The following CADM1 variants were observed in gnomAD, a reference collection of about 807,000 sequenced individuals.
The protein encoded by CADM1 is TSLC-1.
CADM1 carries 15 observed loss-of-function variants against 53.1 expected under a neutral mutation model. That is an observed-to-expected ratio of 0.28 (90% CI 0.19 to 0.44). CADM1 has a LOEUF of 0.44. Among genes scored for constraint, CADM1 ranks in the 20% least tolerant of loss-of-function variants. The pLI is 1.00. For synonymous variants in CADM1, 281 were observed against 243.0 expected, an observed-to-expected ratio of 1.16 and a Z score of -1.45; for missense variants, 434 against 611.3, an observed-to-expected ratio of 0.71 and a Z score of 3.06.
chr11:115,286,149 G>T (rs1005740534), intron 1 of CADM1, among the ~76,000 whole-genome samples: 10 of 152,116 alleles, frequency 6.6e-5, no homozygotes, highest in African/African-American at 2.4e-4. Flanking sequence ...TTTTAAAAAT[G>T]TTTTTATATA....
At chr11:115,484,293 G>A (rs563768736) in intron 1 of CADM1, among the ~76,000 whole-genome samples, 1 of 152,286 alleles carries the variant, frequency 6.6e-6, no homozygotes, top group Admixed American at 6.5e-5. Flanking sequence ...TCTACCTAAA[G>A]AATAGGAGTT....
At chr11:115,325,147 A>G (rs1055908509) in intron 1 of CADM1, among the ~76,000 whole-genome samples, 15 of 152,212 alleles carry the variant, frequency 9.9e-5, no homozygotes, top group Admixed American at 5.2e-4. Flanking sequence ...ACCAACTGCT[A>G]TTTAAAACCA....
chr11:115,387,483 T>C lies in CADM1; in HGVS notation c.124+116788A>G, dbSNP rs563764599. Reference sequence around the variant, plus strand: ...AAGAGAGGTGAGAAAAAGAATAATATAAGTTACGAACTCAAAATTTTACTA... The same window carrying C: ...AAGAGAGGTGAGAAAAAGAATAATACAAGTTACGAACTCAAAATTTTACTA... On this transcript the variant is annotated intron_variant, in intron 1 of 11. Transcript: ENST00000331581. Among the ~76,000 whole-genome samples the C allele has an allele frequency of 7.9e-5, 12 of 152,180 alleles. No individual in the cohort carries two copies. The South Asian group carries it at 2.5e-3, about 32-fold the overall frequency.
intron 5 of CADM1, among the ~76,000 whole-genome samples, chr11:115,222,602 CATAGTACTGAAACTG>C (rs1378841058): frequency 3.5e-5 from 5 of 143,514 alleles, no homozygotes; most frequent in Non-Finnish European, 7.9e-5. Flanking sequence ...TGTTATGACT[CATAGTACTGAAACTG>C]GGCTTCCTGA....
chr11:115,297,388 A>G (rs1944106998), intron 1 of CADM1, among the ~76,000 whole-genome samples: 1 of 152,184 alleles, frequency 6.6e-6, no homozygotes, highest in South Asian at 2.1e-4. Context: ...GGCTTCTTTG[A>G]TCATTAGAGA....
intron 1 of CADM1, among the ~76,000 whole-genome samples, chr11:115,488,523 A>T (rs1949426316): frequency 6.6e-6 from 1 of 152,330 alleles, no homozygotes; most frequent in Non-Finnish European, 1.5e-5. Context: ...TTTAAAAAAT[A>T]TTACAGCAAT....
chr11:115,191,131 C>T (rs894888661), intron 9 of CADM1, 190 bp from the exon 10 acceptor site: 16 of 574,390 alleles, frequency 2.8e-5, no homozygotes, highest in Middle Eastern at 4.6e-4. Flanking sequence ...AATACGCAAT[C>T]GAGGCAGAAA....
rs1285078680 is a variant in CADM1, at chr11:115,386,152, A to G, written c.124+118119T>C. Among the ~76,000 whole-genome samples, 3 of 152,262 alleles carry G rather than the reference A, an allele frequency of 2.0e-5. No individual in the cohort carries two copies. In the East Asian group the frequency reaches 5.8e-4, roughly 29 times the overall value. ...GCAGTTCATTAAGTCATTCAGGATT[A>G]ACTGTTGTGAGTCCATCATTCCACA... is the stretch of plus-strand genomic sequence containing the variant. On this transcript the variant is annotated intron_variant, in intron 1 of 11. Transcript: ENST00000331581.
intron 1 of CADM1, among the ~76,000 whole-genome samples, chr11:115,264,119 T>G (rs1943058613): frequency 6.6e-6 from 1 of 152,150 alleles, no homozygotes; most frequent in Admixed American, 6.5e-5. Context: ...GGATCAACAT[T>G]CATTTTTTAT....
chr11:115,504,338 CGCCGCCGCCGCT>C lies in CADM1; in HGVS notation c.45_56del (p.Ala17_Ala20del), dbSNP rs1041873004. 5.8e-6 allele frequency: 9 copies of C among 1,549,728 alleles called. No individual in the cohort carries two copies. The East Asian group carries it at 2.2e-4, about 38-fold the overall frequency. ...GCCGGAGCCGGAGCCCGGGAGGCGC[CGCCGCCGCCGCT>C]GCCGCCGCACACTGGGATCCGCTCG... On this transcript the variant is annotated inframe_deletion, in exon 1 of 12. Coordinates refer to ENST00000331581, the MANE Select transcript of CADM1 (RefSeq NM_001301043.2).
At chr11:115,411,626 C>A (rs1187117862) in intron 1 of CADM1, among the ~76,000 whole-genome samples, 1 of 152,044 alleles carries the variant, frequency 6.6e-6, no homozygotes, top group Non-Finnish European at 1.5e-5. Flanking sequence ...AAGTACAATT[C>A]TTTGTGGCCA....
rs45455306 is a variant in CADM1, at chr11:115,423,862, T to G, written c.124+80409A>C. On this transcript the variant is annotated intron_variant, in intron 1 of 11. Coordinates refer to ENST00000331581, the MANE Select transcript of CADM1 (RefSeq NM_001301043.2). ...ACCCATTCCACTGTAATGACAGCCA[T>G]GACTTAAGGTTTTGTCTCGCTCTAC... Among the ~76,000 whole-genome samples the G allele has an allele frequency of 5.2e-3, 793 of 152,354 alleles. 1 individual carries two copies. Among genetic ancestry groups the G allele is most frequent in the Non-Finnish European group, 7.6e-3 (518 of 68,034 alleles).
chr11:115,362,714 GA>G (rs887275205), intron 1 of CADM1, among the ~76,000 whole-genome samples: 27 of 150,630 alleles, frequency 1.8e-4, no homozygotes, highest in African/African-American at 6.1e-4. Flanking sequence ...AAAAGCAAAG[GA>G]AAAAAAAGGC....
At chr11:115,362,662 C>A (rs967066100) in intron 1 of CADM1, among the ~76,000 whole-genome samples, 1 of 151,786 alleles carries the variant, frequency 6.6e-6, no homozygotes, top group African/African-American at 2.4e-5. Flanking sequence ...CAGATCTTGG[C>A]AGAGACAGAT....
chr11:115,298,438 T>G (rs1456919861), intron 1 of CADM1, among the ~76,000 whole-genome samples: 2 of 152,318 alleles, frequency 1.3e-5, no homozygotes, highest in East Asian at 3.9e-4. Context: ...GATCCTATTT[T>G]CATGGCTTGG....
intron 8 of CADM1, 37 bp from the exon 9 acceptor site, chr11:115,198,475 A>C (rs185210025): frequency 6.4e-7 from 1 of 1,571,334 alleles, no homozygotes; most frequent in African/African-American, 1.3e-5. Flanking sequence ...GAAGGGAAGA[A>C]ACAGGAGGAA....
chr11:115,284,106 CTCTCTCTCTGTGTGTG>C (rs983066575), intron 1 of CADM1, among the ~76,000 whole-genome samples: 2 of 134,200 alleles, frequency 1.5e-5, no homozygotes, highest in African/African-American at 3.1e-5. Flanking sequence ...CTCTCTCTCT[CTCTCTCTCTGTGTGTG>C]TGTGTGTGTG....
At chr11:115,376,801 G>A (rs17443744) in intron 1 of CADM1, among the ~76,000 whole-genome samples, 4,218 of 152,240 alleles carry the variant, frequency 0.028, 78 homozygotes, top group Middle Eastern at 0.088. Flanking sequence ...GCCAGCCACC[G>A]GGGATTCTGT....
chr11:115,422,620 A>G (rs1947785066), intron 1 of CADM1, among the ~76,000 whole-genome samples: 1 of 152,178 alleles, frequency 6.6e-6, no homozygotes, highest in South Asian at 2.1e-4. Context: ...CTTAGCCATA[A>G]CCTACATTTC....
Sources: allele counts gnomAD v4.1 joint callset (sites outside exome capture counted in the v4.1 genomes callset), GRCh38; gene constraint gnomAD v4.1.1; transcripts MANE v1.5; gene names NCBI Gene and HGNC (gene_info 2026-07-23, HGNC 2026-07-21).